The following HDAC4 variants were observed in gnomAD, a reference collection of about 807,000 sequenced individuals.
HDAC4 encodes histone deacetylase 4.
HDAC4 carries 16 observed loss-of-function variants against 135.1 expected under a neutral mutation model. The ratio of observed to expected loss-of-function variants is 0.12; its 90% CI spans 0.08 to 0.18. The LOEUF is 0.18. Ranked by LOEUF, HDAC4 falls within the 10% of genes least tolerant of loss-of-function variation. HDAC4 has a pLI of 1.00. For synonymous variants in HDAC4, 685 were observed against 653.4 expected, an observed-to-expected ratio of 1.05 and a Z score of -0.74; for missense variants, 1,143 against 1,511.8, an observed-to-expected ratio of 0.76 and a Z score of 4.05.
In HDAC4 at chr2:239,308,062, A is replaced by G. The variant is rs1243226438; in HGVS notation, c.22+44616T>C. 2.0e-5 allele frequency among the ~76,000 whole-genome samples: 3 copies of G among 151,900 alleles called. No individual in the cohort carries two copies. Among genetic ancestry groups the G allele is most frequent in the Admixed American group, 6.6e-5 (1 of 15,258 alleles). ...CCAAGGATGGCCCATCCCACCCCCAACGGTGAGAGCCGGGCCCATCACAAG... is the reference window on the plus strand; with the variant it reads ...CCAAGGATGGCCCATCCCACCCCCAGCGGTGAGAGCCGGGCCCATCACAAG... On this transcript the variant is annotated intron_variant, in intron 2 of 26. Transcript: ENST00000543185. The surrounding 1 kb of genome is among the most constrained non-coding windows in gnomAD (Gnocchi z 4.2).
chr2:239,323,849 A>G (rs2053391437), intron 2 of HDAC4, among the ~76,000 whole-genome samples: 1 of 152,208 alleles, frequency 6.6e-6, no homozygotes. Flanking sequence ...AAGCGCCACA[A>G]AAACATTCAT....
rs2044782092 is a variant in HDAC4, at chr2:239,189,689, T to C, written c.339+144A>G. The C allele has an allele frequency of 6.6e-6, 5 of 753,448 alleles. No homozygotes were observed. In the East Asian group the frequency reaches 1.4e-4, roughly 20 times the overall value. The allele number at this position is 753,448 out of a possible 1,614,324, so 46.7% of individuals were successfully genotyped here. The stretch of plus-strand genomic sequence containing the variant: ...CTGCCCGCGGTTTGTTGCCTGGTGT[T>C]ACCGTCCCAACGCAGAAGGCCTCCT... On this transcript the variant is annotated intron_variant, in intron 4 of 26. Coordinates refer to ENST00000543185, the MANE Select transcript of HDAC4 (RefSeq NM_001378414.1).
chr2:239,345,317 G>T (rs1692538846), intron 2 of HDAC4, among the ~76,000 whole-genome samples: 1 of 152,152 alleles, frequency 6.6e-6, no homozygotes, highest in South Asian at 2.1e-4. Flanking sequence ...GGGAGGCCGA[G>T]GGGGCAGGAT....
chr2:239,053,154 G>A lies in HDAC4; in HGVS notation c.3231-18C>T. On this transcript the variant is annotated intron_variant, in intron 26 of 26. Transcript: ENST00000543185. ...CATCTGGTCTGTGGATCCCGCAAGA[G>A]AAGGAGATGGGGGCGTGGGGCAGGT... 1.9e-6 allele frequency: 3 copies of A among 1,614,022 alleles called. No homozygotes were observed. The highest frequency in any genetic ancestry group is 2.5e-6 in the Non-Finnish European group (3 of 1,179,886).
chr2:239,097,837 G>A lies in HDAC4; in HGVS notation c.2234-2781C>T, dbSNP rs561892026. On this transcript the variant is annotated intron_variant, in intron 16 of 26. Transcript: ENST00000543185. ...TGGGCGGGTGCTGCCTTGGAAGGGCGGTCATGGCCTTGGTGAGTGGCTGAG... is the reference window on the plus strand; with the variant it reads ...TGGGCGGGTGCTGCCTTGGAAGGGCAGTCATGGCCTTGGTGAGTGGCTGAG... Among the ~76,000 whole-genome samples the A allele has an allele frequency of 2.3e-4, 35 of 152,380 alleles. 1 individual carries two copies. The East Asian group carries it at 6.8e-3, about 29-fold the overall frequency.
chr2:239,385,426 A>T (rs963301796), intron 1 of HDAC4, among the ~76,000 whole-genome samples: 3 of 152,246 alleles, frequency 2.0e-5, no homozygotes, highest in Admixed American at 6.5e-5. Context: ...TGCCCAGCTC[A>T]GCAGCGGGGA....
At chr2:239,379,624 C>T (rs1302497096) in intron 1 of HDAC4, among the ~76,000 whole-genome samples, 1 of 152,196 alleles carries the variant, frequency 6.6e-6, no homozygotes, top group Non-Finnish European at 1.5e-5. Flanking sequence ...CTCCCCACAG[C>T]CCCCACCTTG....
intron 2 of HDAC4, among the ~76,000 whole-genome samples, chr2:239,345,897 C>A (rs1255507654): frequency 2.0e-5 from 3 of 150,120 alleles, no homozygotes; most frequent in African/African-American, 7.4e-5. Flanking sequence ...CTAAAACACA[C>A]ACACACCCCC....
intron 2 of HDAC4, among the ~76,000 whole-genome samples, chr2:239,318,898 T>C (rs1053584117): frequency 6.6e-6 from 1 of 152,110 alleles, no homozygotes; most frequent in African/African-American, 2.4e-5. Context: ...CTTACAAAAA[T>C]GTAGAACACT....
In HDAC4 at chr2:239,139,258, T is replaced by G. The variant is rs201947968; in HGVS notation, c.978+426A>C. On this transcript the variant is annotated intron_variant, in intron 9 of 26. Coordinates refer to ENST00000543185, the MANE Select transcript of HDAC4 (RefSeq NM_001378414.1). This position sits in a 1 kb window ranked among gnomAD's most constrained non-coding sequence, Gnocchi z 5.3. Reference sequence around the variant, plus strand: ...TCAATACAAAATAAAAAATGTTAAGTCTCACTTAGCAACTATACCCACGTG... The same window carrying G: ...TCAATACAAAATAAAAAATGTTAAGGCTCACTTAGCAACTATACCCACGTG... Among the ~76,000 whole-genome samples, 11 of 152,244 alleles carry G rather than the reference T, an allele frequency of 7.2e-5. No individual in the cohort carries two copies. In the East Asian group the frequency reaches 2.1e-3, roughly 29 times the overall value.
rs115274807 is a variant in HDAC4 at position 239,249,528 on chromosome 2, G to C, written c.23-12864C>G. Among the ~76,000 whole-genome samples the C allele has an allele frequency of 1.1e-3, 175 of 152,276 alleles. 2 individuals carry two copies. Among genetic ancestry groups the C allele is most frequent in the African/African-American group, 3.8e-3 (156 of 41,556 alleles). ...TTTTAAGAGAGCCAATCACCATTTT[G>C]AAGAGCAAACAGTACGTCTAAACCT... On this transcript the variant is annotated intron_variant, in intron 2 of 26. Transcript: ENST00000543185.
At chr2:239,153,437 A>G (rs1261496079) in intron 7 of HDAC4, among the ~76,000 whole-genome samples, 3 of 152,264 alleles carry the variant, frequency 2.0e-5, no homozygotes, top group Non-Finnish European at 4.4e-5. Flanking sequence ...GACGTGTTTC[A>G]TATTACCAAT....
At chr2:239,122,903 G>A (rs926696127) in intron 12 of HDAC4, among the ~76,000 whole-genome samples, 1 of 152,238 alleles carries the variant, frequency 6.6e-6, no homozygotes, top group Non-Finnish European at 1.5e-5. Context: ...AGCTGCCAGA[G>A]CTGGGCAGAT....
At chr2:239,092,524 A>T (rs2036614438) in intron 17 of HDAC4, among the ~76,000 whole-genome samples, 1 of 152,178 alleles carries the variant, frequency 6.6e-6, no homozygotes, top group Admixed American at 6.5e-5. Flanking sequence ...GGTGCCAAGG[A>T]GCTGCTCGGT....
chr2:239,122,978 A>C (rs2039821921), intron 12 of HDAC4, among the ~76,000 whole-genome samples: 1 of 152,212 alleles, frequency 6.6e-6, no homozygotes, highest in Non-Finnish European at 1.5e-5. Context: ...CGTCAGTGTT[A>C]GGCGGCCCTG....
chr2:239,279,934 T>A (rs529317054), intron 2 of HDAC4, among the ~76,000 whole-genome samples: 1 of 152,274 alleles, frequency 6.6e-6, no homozygotes, highest in African/African-American at 2.4e-5. Flanking sequence ...CCTCCCCGAA[T>A]TCTAGGATCA....
intron 3 of HDAC4, among the ~76,000 whole-genome samples, chr2:239,228,616 G>C (rs1000571907): frequency 1.3e-5 from 2 of 152,100 alleles, no homozygotes; most frequent in African/African-American, 4.8e-5. Context: ...AAAACAGAAC[G>C]ATCTGAAGGT....
At chr2:239,147,241 C>G (rs1214997690) in intron 7 of HDAC4, among the ~76,000 whole-genome samples, 1 of 152,184 alleles carries the variant, frequency 6.6e-6, no homozygotes, top group African/African-American at 2.4e-5. Flanking sequence ...AGAAGGCAGC[C>G]GGGGGAGCCG....
At chr2:239,116,628 C>T (rs1008694658) in intron 12 of HDAC4, among the ~76,000 whole-genome samples, 1 of 152,228 alleles carries the variant, frequency 6.6e-6, no homozygotes, top group Admixed American at 6.5e-5. Context: ...GGCACGCTTT[C>T]AAACGGGCCA....
Sources: allele counts gnomAD v4.1 joint callset (sites outside exome capture counted in the v4.1 genomes callset), GRCh38; gene constraint gnomAD v4.1.1; non-coding constraint Gnocchi (gnomAD v3.1); transcripts MANE v1.5; gene names NCBI Gene and HGNC (gene_info 2026-07-23, HGNC 2026-07-21).